The following AHCY variants were observed in gnomAD, a reference collection of about 807,000 sequenced individuals.
AHCY encodes the protein adenosylhomocysteinase.
A neutral mutation model predicts 45.4 loss-of-function variants in AHCY; 24 were observed. The observed-to-expected ratio is 0.53, with a 90% CI of 0.38 to 0.74. AHCY has a LOEUF of 0.74. Among genes scored for constraint, AHCY ranks in the 30% least tolerant of loss-of-function variants. The pLI is 0.00. For missense variants in AHCY, 449 were observed against 594.1 expected, an observed-to-expected ratio of 0.76 and a Z score of 2.54; for synonymous variants, 245 against 235.1, an observed-to-expected ratio of 1.04 and a Z score of -0.39.
intron 8 of AHCY, among the ~76,000 whole-genome samples, chr20:34,289,898 G>A (rs2036315274): frequency 6.6e-6 from 1 of 152,256 alleles, no homozygotes; most frequent in Middle Eastern, 3.4e-3. Context: ...TGGGATTACA[G>A]GTGTGAGCCA....
At chr20:34,283,686 G>A (rs1265848092) in intron 9 of AHCY, among the ~76,000 whole-genome samples, 1 of 152,190 alleles carries the variant, frequency 6.6e-6, no homozygotes, top group Non-Finnish European at 1.5e-5. Context: ...GATCAAGTGA[G>A]AATCTTTCAA....
At chr20:34,256,565 A>G in the AHCY span, among the ~76,000 whole-genome samples, 5 of 152,272 alleles carry the variant, frequency 3.3e-5, no homozygotes, top group African/African-American at 9.6e-5. Context: ...GGCTTCCTCC[A>G]GTGCTGGGAT....
chr20:34,258,229 T>C, the AHCY span, among the ~76,000 whole-genome samples: 1 of 152,206 alleles, frequency 6.6e-6, no homozygotes, highest in South Asian at 2.1e-4. Context: ...ATGATGTTCT[T>C]ATTCCAATCC....
At chr20:34,241,059 T>G in the AHCY span, among the ~76,000 whole-genome samples, 5 of 152,184 alleles carry the variant, frequency 3.3e-5, no homozygotes, top group African/African-American at 7.2e-5. Flanking sequence ...GACGCTCTGC[T>G]TTGGCGACCC....
At chr20:34,265,628 T>G in the AHCY span, among the ~76,000 whole-genome samples, 1 of 151,672 alleles carries the variant, frequency 6.6e-6, no homozygotes, top group South Asian at 2.1e-4. Flanking sequence ...CTAGTATCAC[T>G]TACCATAAAT....
chr20:34,262,128 G>A, the AHCY span, among the ~76,000 whole-genome samples: 2 of 151,690 alleles, frequency 1.3e-5, no homozygotes, highest in Non-Finnish European at 2.9e-5. Flanking sequence ...AAAAAAAAAA[G>A]AAGAAGAAGA....
At position 34,295,424 on chromosome 20, in the gene AHCY, T is replaced by C. The variant is rs2036542687; in HGVS notation, c.190A>G (p.Ile64Val). The C allele has an allele frequency of 6.2e-7, 1 of 1,614,038 alleles. No individual in the cohort carries two copies. Among genetic ancestry groups the C allele is most frequent in the Non-Finnish European group, 8.5e-7 (1 of 1,179,918 alleles). The change falls in exon 2 of 10, where the codon ATT (isoleucine) becomes GTT (valine). Residue 64 changes from isoleucine (I) to valine (V), a missense_variant. Ile to Val is a conservative substitution (Grantham distance 29). Coordinates refer to ENST00000217426, the MANE Select transcript of AHCY (RefSeq NM_000687.4). ...LHMTVETAVL[I>V]ETLVTLGAEV... ...GCACCCAGGGTGACGAGGGTCTCAA[T>C]GAGGACGGCCGTCTCCACGGTCATG...
chr20:34,303,017 G>A (rs551714055), intron 1 of AHCY: 1 of 985,464 alleles, frequency 1.0e-6, no homozygotes, highest in South Asian at 4.7e-5. Flanking sequence ...GGCGGCCCCG[G>A]CGTCGCGGGG....
At chr20:34,296,191 A>C (rs915058048) in intron 1 of AHCY, among the ~76,000 whole-genome samples, 3 of 152,040 alleles carry the variant, frequency 2.0e-5, no homozygotes. Context: ...AGTAAAACTG[A>C]GAGGAAAAAA....
chr20:34,247,235 A>G, the AHCY span, among the ~76,000 whole-genome samples: 1 of 150,942 alleles, frequency 6.6e-6, no homozygotes, highest in African/African-American at 2.4e-5. Context: ...TTTGCCTCAC[A>G]TGGTCCTCAA....
the AHCY span, among the ~76,000 whole-genome samples, chr20:34,239,870 C>T: frequency 6.6e-6 from 1 of 152,194 alleles, no homozygotes; most frequent in Non-Finnish European, 1.5e-5. Context: ...TGCAGGGCCC[C>T]ATATTAACCT....
Position 34,281,142 on chromosome 20 carries a change from G to C in AHCY, c.1191C>G (p.Ala397=). Residue 397 remains alanine (A), a synonymous_variant, in exon 10 of 10, where the codon GCC becomes GCG. Coordinates refer to ENST00000217426, the MANE Select transcript of AHCY (RefSeq NM_000687.4). ...ACTTCACATTCAGCTTGCCCAGGTGGGCTTCAGCCACTGCCTCATCCAGCT... is the reference window on the plus strand; with the variant it reads ...ACTTCACATTCAGCTTGCCCAGGTGCGCTTCAGCCACTGCCTCATCCAGCT... ...PKKLDEAVAE[A]HLGKLNVKLT... 6.2e-7 allele frequency: 1 copy of C among 1,613,572 alleles called. No homozygotes were observed. The highest frequency in any genetic ancestry group is 1.1e-5 in the South Asian group (1 of 91,042).
chr20:34,300,451 T>C (rs931324821), intron 1 of AHCY, among the ~76,000 whole-genome samples: 2 of 152,162 alleles, frequency 1.3e-5, no homozygotes, highest in African/African-American at 4.8e-5. Context: ...CCCCACTCAC[T>C]AGCTGTTCAA....
chr20:34,294,471 A>T (rs2036506992), intron 2 of AHCY, among the ~76,000 whole-genome samples: 1 of 152,202 alleles, frequency 6.6e-6, no homozygotes, highest in Admixed American at 6.5e-5. Context: ...GATGATGAGA[A>T]GTTGTCACAT....
At chr20:34,247,837 T>C in the AHCY span, among the ~76,000 whole-genome samples, 2 of 149,614 alleles carry the variant, frequency 1.3e-5, no homozygotes. Flanking sequence ...TCTCAAGCAA[T>C]CTTCCTGACT....
At chr20:34,281,636 C>A (rs1348399599) in intron 9 of AHCY, 1 of 220,676 alleles carries the variant, frequency 4.5e-6, no homozygotes, top group Non-Finnish European at 9.2e-6. Context: ...CATGATGACA[C>A]GGAATCCTAG....
the AHCY span, among the ~76,000 whole-genome samples, chr20:34,256,582 C>T: frequency 2.0e-5 from 3 of 152,160 alleles, no homozygotes; most frequent in Non-Finnish European, 2.9e-5. Context: ...GGATTATAGG[C>T]GTGAGCCACC....
chr20:34,286,770 G>A (rs776639434), intron 8 of AHCY, among the ~76,000 whole-genome samples: 12 of 149,854 alleles, frequency 8.0e-5, no homozygotes, highest in Non-Finnish European at 1.6e-4. Context: ...GGAAGCGGAG[G>A]TTGTGGTGAG....
At chr20:34,235,962 A>AAGGAAGGAGGGAGGGAAGAAGGAAGG in the AHCY span, among the ~76,000 whole-genome samples, 1 of 83,802 alleles carries the variant, frequency 1.2e-5, no homozygotes, top group Admixed American at 9.7e-5. Context: ...GGAAGGAAGG[A>AAGGAAGGAGGGAGGGAAGAAGGAAGG]AGGAGGGAGG....
Sources: gnomAD v4.1 joint callset for allele counts (sites outside exome capture counted in the v4.1 genomes callset) on GRCh38, gnomAD v4.1.1 for gene constraint, MANE v1.5 for transcripts, NCBI Gene and HGNC (gene_info 2026-07-23, HGNC 2026-07-21) for gene names.